Variants in MALRD1 observed in about 807,000 individuals in gnomAD.
MALRD1 encodes MAM and LDL-receptor class A domain-containing protein 1.
A neutral mutation model predicts 242.1 loss-of-function variants in MALRD1; 247 were observed. The ratio of observed to expected loss-of-function variants is 1.02; its 90% CI spans 0.92 to 1.13. The LOEUF (loss-of-function observed/expected upper bound fraction) is 1.13. Ranked by LOEUF, MALRD1 falls within the 50% of genes most tolerant of loss-of-function variation. The pLI, the probability that MALRD1 is intolerant of heterozygous loss-of-function variation, is 0.00. For missense variants in MALRD1, 2,989 were observed against 2,533.1 expected, an observed-to-expected ratio of 1.18 and a Z score of -3.86; for synonymous variants, 995 against 866.6, an observed-to-expected ratio of 1.15 and a Z score of -2.60.
At chr10:19,529,505 A>G (rs1163941931) in intron 31 of MALRD1, among the ~76,000 whole-genome samples, 1 of 148,464 alleles carries the variant, frequency 6.7e-6, no homozygotes, top group Admixed American at 6.8e-5. Context: ...AGAATCGTGA[A>G]AAGTTCAATT....
At chr10:19,278,758 G>A (rs1840660592) in intron 19 of MALRD1, among the ~76,000 whole-genome samples, 1 of 152,042 alleles carries the variant, frequency 6.6e-6, no homozygotes, top group South Asian at 2.1e-4. Context: ...CACGAGGAGA[G>A]AAGGAAAGAC....
intron 38 of MALRD1, among the ~76,000 whole-genome samples, chr10:19,714,596 G>A (rs761623493): frequency 3.3e-5 from 5 of 152,116 alleles, no homozygotes; most frequent in African/African-American, 1.2e-4. Context: ...AGTCCTGGGG[G>A]TAGAGCCCTC....
chr10:19,082,732 C>T (rs1274836418), intron 2 of MALRD1, among the ~76,000 whole-genome samples: 5 of 151,924 alleles, frequency 3.3e-5, no homozygotes, highest in Non-Finnish European at 5.9e-5. Flanking sequence ...CCCAAAAACT[C>T]CCACACATTT....
intron 33 of MALRD1, among the ~76,000 whole-genome samples, chr10:19,576,600 G>T (rs1280401603): frequency 1.3e-5 from 2 of 152,126 alleles, no homozygotes; most frequent in Non-Finnish European, 2.9e-5. Flanking sequence ...TTATTCTTTA[G>T]TACACCTACT....
intron 19 of MALRD1, among the ~76,000 whole-genome samples, chr10:19,270,581 A>G (rs16918453): frequency 0.015 from 2,358 of 152,146 alleles, 63 homozygotes; most frequent in African/African-American, 0.054. Flanking sequence ...CAGAGTTAGG[A>G]AGTAAGAGCA....
intron 28 of MALRD1, among the ~76,000 whole-genome samples, chr10:19,408,737 A>T (rs1291548126): frequency 1.3e-5 from 2 of 152,174 alleles, no homozygotes; most frequent in Non-Finnish European, 2.9e-5. Flanking sequence ...CTACACGCCG[A>T]CCAGAATAGT....
At chr10:19,713,198 A>G (rs1297025638) in intron 38 of MALRD1, among the ~76,000 whole-genome samples, 2 of 152,152 alleles carry the variant, frequency 1.3e-5, no homozygotes, top group Admixed American at 1.3e-4. Context: ...AAATAAAAAG[A>G]CACATAAAAT....
chr10:19,714,232 G>A (rs1206959684), intron 38 of MALRD1, among the ~76,000 whole-genome samples: 1 of 152,164 alleles, frequency 6.6e-6, no homozygotes, highest in African/African-American at 2.4e-5. Context: ...GGTTTTTATT[G>A]AGTGGTGGTA....
chr10:19,230,591 A>G (rs1186142332), intron 18 of MALRD1, among the ~76,000 whole-genome samples: 1 of 152,176 alleles, frequency 6.6e-6, no homozygotes, highest in Non-Finnish European at 1.5e-5. Flanking sequence ...TGTCTCCAAC[A>G]TTGGGGATCA....
intron 18 of MALRD1, among the ~76,000 whole-genome samples, chr10:19,213,005 T>A (rs1837141928): frequency 6.6e-6 from 1 of 152,180 alleles, no homozygotes; most frequent in Non-Finnish European, 1.5e-5. Flanking sequence ...ATATATGAAT[T>A]GCAAATATTT....
At chr10:19,260,322 GT>G (rs1839691705) in intron 19 of MALRD1, among the ~76,000 whole-genome samples, 1 of 152,048 alleles carries the variant, frequency 6.6e-6, no homozygotes, top group Non-Finnish European at 1.5e-5. Context: ...TCATAGCTCT[GT>G]GTAATTTCAT....
At chr10:19,194,844 T>A (rs146254626) in intron 14 of MALRD1, among the ~76,000 whole-genome samples, 1 of 152,204 alleles carries the variant, frequency 6.6e-6, no homozygotes, top group African/African-American at 2.4e-5. Context: ...GGGCCTTATA[T>A]TGTTACATCT....
chr10:19,698,356 A>C (rs1182195794), intron 38 of MALRD1, among the ~76,000 whole-genome samples: 1 of 152,202 alleles, frequency 6.6e-6, no homozygotes, highest in African/African-American at 2.4e-5. Flanking sequence ...AAGAGGTCCA[A>C]GTAACACATG....
At chr10:19,226,355 A>G (rs1837800032) in intron 18 of MALRD1, among the ~76,000 whole-genome samples, 1 of 152,228 alleles carries the variant, frequency 6.6e-6, no homozygotes, top group African/African-American at 2.4e-5. Context: ...GTTTACAAAA[A>G]ATCTATAGCA....
At chr10:19,355,371 A>G (rs1186144127) in intron 26 of MALRD1, among the ~76,000 whole-genome samples, 1 of 151,898 alleles carries the variant, frequency 6.6e-6, no homozygotes, top group African/African-American at 2.4e-5. Flanking sequence ...AGAATTTAAT[A>G]TAAGAATATG....
chr10:19,509,898 A>G (rs1419490322), intron 31 of MALRD1, among the ~76,000 whole-genome samples: 1 of 152,124 alleles, frequency 6.6e-6, no homozygotes, highest in Non-Finnish European at 1.5e-5. Flanking sequence ...GAGACAAAGT[A>G]TAGAGAAAGA....
chr10:19,237,673 TTA>T (rs1186666654), intron 18 of MALRD1, among the ~76,000 whole-genome samples: 1 of 104,924 alleles, frequency 9.5e-6, no homozygotes, highest in Non-Finnish European at 1.8e-5. Flanking sequence ...AATTATATAA[TTA>T]TATATAATTT....
intron 32 of MALRD1, among the ~76,000 whole-genome samples, chr10:19,549,136 G>A (rs1040321888): frequency 6.6e-6 from 1 of 152,194 alleles, no homozygotes; most frequent in Non-Finnish European, 1.5e-5. Context: ...ACTCTCTTCA[G>A]TTTGGCTGAG....
At chr10:19,721,296 A>C (rs2131907377) in intron 38 of MALRD1, among the ~76,000 whole-genome samples, 1 of 152,290 alleles carries the variant, frequency 6.6e-6, no homozygotes, top group East Asian at 1.9e-4. Context: ...TTAAGACTGG[A>C]AACATTTGGG....
Sources: gnomAD v4.1 joint callset for allele counts (sites outside exome capture counted in the v4.1 genomes callset) on GRCh38, gnomAD v4.1.1 for gene constraint, MANE v1.5 for transcripts, NCBI Gene and HGNC (gene_info 2026-07-23, HGNC 2026-07-21) for gene names.